PRPF31: variants seen among roughly 807,000 people sequenced by gnomAD.
PRPF31 encodes the protein pre-mRNA processing factor 31.
Under a neutral mutation model 60.4 loss-of-function variants are expected in PRPF31, and 12 were observed. The ratio of observed to expected loss-of-function variants is 0.20; its 90% CI spans 0.13 to 0.32. The LOEUF (loss-of-function observed/expected upper bound fraction) is 0.32, where lower values mean the gene tolerates loss of function less well. Ranked by LOEUF, PRPF31 falls within the 10% of genes least tolerant of loss-of-function variation. PRPF31 has a pLI of 1.00. For missense variants in PRPF31, 431 were observed against 687.1 expected (o/e 0.63, Z 4.17); for synonymous variants, 287 against 287.9 (o/e 1.00, Z 0.03).
intron 13 of PRPF31, 92 bp downstream of exon 13, chr19:54,129,462 C>T: frequency 4.2e-6 from 6 of 1,417,306 alleles, no homozygotes; most frequent in Non-Finnish European, 4.8e-6. Flanking sequence ...GGATGAGTCT[C>T]CTCATGGGGC....
intron 11 of PRPF31, 76 bp from the exon 12 acceptor site, chr19:54,128,981 T>C (rs2073990044): frequency 6.9e-7 from 1 of 1,451,224 alleles, no homozygotes; most frequent in Non-Finnish European, 9.4e-7. Context: ...GGCTTCGGGC[T>C]GGTGGAGGGG....
intron 3 of PRPF31, chr19:54,119,901 C>T (rs1368581106): frequency 1.3e-5 from 2 of 152,152 alleles, no homozygotes; most frequent in Non-Finnish European, 2.9e-5. Context: ...TCACTGCTTG[C>T]TTTCTTTAAC....
rs254275 is a variant in PRPF31, at chr19:54,122,907, G to A, written c.420+313G>A. On this transcript the variant is annotated intron_variant, in intron 5 of 13. Transcript: ENST00000321030. ...AGGGCAGGCACACGGAGATTTGGGG[G>A]AGAGAGACGTCTAAGTGCAGAGAGC... The A allele has an allele frequency of 5.1e-3, 2,733 of 531,436 alleles. 19 individuals carry two copies. Among genetic ancestry groups the A allele is most frequent in the Non-Finnish European group, 7.4e-3 (2,165 of 293,314 alleles). The allele number at this position is 531,436 out of a possible 1,614,324, so 32.9% of individuals were successfully genotyped here.
In PRPF31 at chr19:54,126,990, C is replaced by G. The variant is rs920537529; in HGVS notation, c.945+373C>G. 2.2e-4 allele frequency among the ~76,000 whole-genome samples: 34 copies of G among 152,106 alleles called. 1 individual carries two copies. The highest frequency in any genetic ancestry group is 3.3e-4 in the Admixed American group (5 of 15,272). ...CCAAAATTAGCCGGGTGTGGTGGCA[C>G]GCACCTGTAATCCCAGTTACTCAGG... On this transcript the variant is annotated intron_variant, in intron 9 of 13. Transcript: ENST00000321030.
chr19:54,124,342 T>C (rs1600343482), intron 7 of PRPF31, 157 bp from the exon 8 acceptor site: 3 of 773,434 alleles, frequency 3.9e-6, no homozygotes, highest in Admixed American at 1.9e-5. Context: ...CCTTGCGGAA[T>C]GGGCCAGGTC....
At chr19:54,129,663 A>G (rs2074007427) in intron 13 of PRPF31, among the ~76,000 whole-genome samples, 1 of 133,538 alleles carries the variant, frequency 7.5e-6, no homozygotes, top group South Asian at 3.4e-4. Flanking sequence ...AACACTGCTC[A>G]GCCTCCAGGC....
chr19:54,126,648 C>T (rs760535777), intron 9 of PRPF31, 31 bp downstream of exon 9: 3 of 1,595,672 alleles, frequency 1.9e-6, no homozygotes, highest in Admixed American at 1.7e-5. Flanking sequence ...GGCGGCCGGG[C>T]GTCTTTTCCT....
At chr19:54,131,219 A>G in intron 13 of PRPF31, 88 bp from the exon 14 acceptor site, 1 of 1,556,700 alleles carries the variant, frequency 6.4e-7, no homozygotes, top group South Asian at 1.1e-5. Context: ...CCTGAGTGCC[A>G]TGGGGAAGGG....
chr19:54,127,937 GAA>G (rs750525515), intron 9 of PRPF31, 134 bp from the exon 10 acceptor site: 6 of 1,253,570 alleles, frequency 4.8e-6, no homozygotes, highest in Non-Finnish European at 6.8e-6. Flanking sequence ...AGAAGAAAAA[GAA>G]AGGGGGTGGC....
In PRPF31 at chr19:54,131,625, G is replaced by A; in HGVS notation, c.*193G>A. 1 of 737,822 alleles carries A rather than the reference G, an allele frequency of 1.4e-6. No homozygotes were observed. The allele number at this position is 737,822 out of a possible 1,614,324, so 45.7% of individuals were successfully genotyped here. A position where few individuals can be genotyped will look rare whatever the true frequency, so the allele number is the denominator to read the frequency against. On this transcript the variant is annotated 3_prime_UTR_variant, in exon 14 of 14. Coordinates refer to ENST00000321030, the MANE Select transcript of PRPF31 (RefSeq NM_015629.4). ...GGACCGAGATCACCGCCCAGTATGGGCTAGAGCAGGTCTTCATCATGCCTT... is the reference window on the plus strand; with the variant it reads ...GGACCGAGATCACCGCCCAGTATGGACTAGAGCAGGTCTTCATCATGCCTT...
chr19:54,118,657 C>A, intron 3 of PRPF31, 24 bp downstream of exon 3: 4 of 1,612,280 alleles, frequency 2.5e-6, no homozygotes, highest in Non-Finnish European at 2.5e-6. Context: ...CTCTGTGCCC[C>A]TCCCCATCTC....
At chr19:54,121,344 G>A (rs979265450) in intron 3 of PRPF31, among the ~76,000 whole-genome samples, 1 of 146,704 alleles carries the variant, frequency 6.8e-6, no homozygotes, top group Non-Finnish European at 1.5e-5. Flanking sequence ...GGTGTCTGGG[G>A]CACTGTGATC....
intron 13 of PRPF31, among the ~76,000 whole-genome samples, chr19:54,130,196 G>A (rs2074018655): frequency 7.1e-6 from 1 of 141,174 alleles, no homozygotes; most frequent in African/African-American, 2.7e-5. Flanking sequence ...AGACAGCTCA[G>A]TAAGATGTCC....
At chr19:54,121,968 A>T in intron 4 of PRPF31, 25 bp downstream of exon 4, 1 of 1,597,524 alleles carries the variant, frequency 6.3e-7, no homozygotes, top group Non-Finnish European at 8.5e-7. Context: ...GCAGGCGGAG[A>T]CAGCCCCGTG....
Position 54,129,306 on chromosome 19 carries a change from G to A in PRPF31, c.1310G>A (p.Gly437Glu). The change falls in exon 13 of 14, where the codon GGG becomes GAG. Residue 437 changes from glycine to glutamate, a missense_variant. Around this residue, in one of 4 missense-constraint regions of PRPF31, gnomAD observed 314 missense variants for 475.3 expected, o/e 0.66. Transcript: ENST00000321030. ...CAGAAGCAGAGCGTCGTATATGGCG[G>A]GAAGTCCACCATCCGCGACCGCTCC... ...TLQKQSVVYG[G>E]KSTIRDRSSG... 6.2e-7 allele frequency: 1 copy of A among 1,609,726 alleles called. No homozygotes were observed. The highest frequency in any genetic ancestry group is 1.1e-5 in the South Asian group (1 of 90,662).
At chr19:54,126,395 C>G in intron 8 of PRPF31, 133 bp from the exon 9 acceptor site, 1 of 801,958 alleles carries the variant, frequency 1.2e-6, no homozygotes, top group Non-Finnish European at 2.1e-6. Flanking sequence ...GCACACACCT[C>G]TAGAGCCCAA....
intron 9 of PRPF31, among the ~76,000 whole-genome samples, chr19:54,127,682 G>A (rs116513198): frequency 6.6e-6 from 1 of 152,334 alleles, no homozygotes; most frequent in African/African-American, 2.4e-5. Flanking sequence ...CGGGAGAGGA[G>A]ACGTTTTCTG....
Position 54,128,117 on chromosome 19 carries a change from G to T in PRPF31, c.990G>T (p.Lys330Asn). 6.4e-7 allele frequency: 1 copy of T among 1,551,092 alleles called. No homozygotes were observed. The highest frequency in any genetic ancestry group is 1.2e-5 in the South Asian group (1 of 84,204). The change falls in exon 10 of 14, where the codon AAG becomes AAT. Residue 330 changes from lysine (K) to asparagine (N), a missense_variant. By Grantham distance (94) the Lys-to-Asn change is moderately conservative. Coordinates refer to ENST00000321030, the MANE Select transcript of PRPF31 (RefSeq NM_015629.4). ...ATGAGATCGAGCGCAAATTCGACAAGTGGCAGGAGCCGCCGCCTGTGAAGC... is the reference window on the plus strand; with the variant it reads ...ATGAGATCGAGCGCAAATTCGACAATTGGCAGGAGCCGCCGCCTGTGAAGC... ...LKDEIERKFDKWQEPPPVKQV... is the reference protein window; with the variant it reads ...LKDEIERKFDNWQEPPPVKQV...
intron 6 of PRPF31, 65 bp downstream of exon 6, chr19:54,123,625 C>G (rs1384233159): frequency 6.2e-7 from 1 of 1,600,524 alleles, no homozygotes; most frequent in Non-Finnish European, 8.6e-7. Context: ...GAGCTACACA[C>G]GCAGGTGTAC....
Sources: gnomAD v4.1 joint callset for allele counts (sites outside exome capture counted in the v4.1 genomes callset) on GRCh38, gnomAD v4.1.1 for gene constraint, gnomAD v4.1.1 regional missense constraint, MANE v1.5 for transcripts, NCBI Gene and HGNC (gene_info 2026-07-23, HGNC 2026-07-21) for gene names.